Variants in FMN2 observed in about 807,000 individuals in gnomAD.
FMN2 encodes formin-2.
A neutral mutation model predicts 142.3 loss-of-function variants in FMN2; 51 were observed. The ratio of observed to expected loss-of-function variants is 0.36; its 90% CI spans 0.29 to 0.45. The LOEUF is 0.45. Among genes scored for constraint, FMN2 ranks in the 20% least tolerant of loss-of-function variants. The probability of loss-of-function intolerance (pLI) is 1.00; values close to 1 mark genes in which losing one functional copy is unlikely to be tolerated. For synonymous variants in FMN2, 882 were observed against 869.8 expected, an observed-to-expected ratio of 1.01 and a Z score of -0.25; for missense variants, 1,936 against 2,122.8, an observed-to-expected ratio of 0.91 and a Z score of 1.73.
chr1:240,188,626 C>A (rs1049951948), intron 4 of FMN2, among the ~76,000 whole-genome samples: 1 of 152,200 alleles, frequency 6.6e-6, no homozygotes, highest in Non-Finnish European at 1.5e-5. Context: ...AAAAAGAAAT[C>A]TGTCAGAGCT....
intron 3 of FMN2, among the ~76,000 whole-genome samples, chr1:240,182,669 T>C (rs886515737): frequency 6.6e-6 from 1 of 152,088 alleles, no homozygotes; most frequent in Non-Finnish European, 1.5e-5. Flanking sequence ...AACAATAAAA[T>C]GAAGCTGAGA....
Position 240,092,870 on chromosome 1 carries a change from TG to T in FMN2, c.765del (p.Pro256ArgfsTer196). On this transcript the variant is annotated frameshift_variant, in exon 1 of 18. Coordinates refer to ENST00000319653, the MANE Select transcript of FMN2 (RefSeq NM_020066.5). LOFTEE classifies it high-confidence loss of function. ...GAFLGLDRFL[L>X]GPSGGAGEAP... ...TTCCTGGGCCTGGACCGGTTCCTGC[TG>T]GGGCCGAGCGGCGGGGCTGGGGAGG... 6.5e-7 allele frequency: 1 copy of T among 1,534,106 alleles called. No individual in the cohort carries two copies.
At chr1:240,276,588 T>C (rs922350082) in intron 7 of FMN2, among the ~76,000 whole-genome samples, 2 of 152,092 alleles carry the variant, frequency 1.3e-5, no homozygotes, top group Non-Finnish European at 1.5e-5. Context: ...GCACAATTCA[T>C]ATTGTTAGTG....
chr1:240,129,266 T>A (rs922147822), intron 2 of FMN2, among the ~76,000 whole-genome samples: 1 of 152,184 alleles, frequency 6.6e-6, no homozygotes, highest in Non-Finnish European at 1.5e-5. Context: ...AACAAAAGCC[T>A]TGCCACATCT....
chr1:240,118,771 G>A (rs990009353), intron 1 of FMN2, among the ~76,000 whole-genome samples: 12 of 152,158 alleles, frequency 7.9e-5, no homozygotes, highest in African/African-American at 2.4e-4. Flanking sequence ...CCATGTGGAT[G>A]TCCAAATCAC....
intron 2 of FMN2, among the ~76,000 whole-genome samples, chr1:240,176,760 A>G (rs992439504): frequency 2.0e-5 from 3 of 152,232 alleles, no homozygotes; most frequent in Admixed American, 6.5e-5. Flanking sequence ...TGGAAGATAC[A>G]TGAGTAGCTC....
At chr1:240,406,596 G>A (rs1421761245) in intron 15 of FMN2, among the ~76,000 whole-genome samples, 2 of 152,150 alleles carry the variant, frequency 1.3e-5, no homozygotes, top group African/African-American at 4.8e-5. Context: ...AACGGTGCGT[G>A]GCTAGAGTTA....
intron 1 of FMN2, among the ~76,000 whole-genome samples, chr1:240,121,737 A>G (rs917691006): frequency 8.9e-6 from 1 of 112,072 alleles, no homozygotes; most frequent in Middle Eastern, 4.2e-3. Context: ...GGAAATAGTA[A>G]AAAAAAAAAA....
intron 1 of FMN2, among the ~76,000 whole-genome samples, chr1:240,121,150 CAA>C (rs112892593): frequency 1.4e-5 from 2 of 141,414 alleles, no homozygotes; most frequent in Non-Finnish European, 1.6e-5. Context: ...AAGTCTATCT[CAA>C]AAAAAAAAAA....
intron 15 of FMN2, among the ~76,000 whole-genome samples, chr1:240,409,015 TTAACA>T (rs1204331427): frequency 7.2e-5 from 11 of 152,212 alleles, no homozygotes; most frequent in South Asian, 2.1e-4. Flanking sequence ...CATGCATAAA[TTAACA>T]TAACATCCCA....
At chr1:240,344,440 T>C (rs1163462518) in intron 13 of FMN2, among the ~76,000 whole-genome samples, 2 of 152,216 alleles carry the variant, frequency 1.3e-5, no homozygotes, top group African/African-American at 2.4e-5. Flanking sequence ...GTGATTTTTT[T>C]CCCAAAGTTG....
chr1:240,373,057 A>G (rs565699620), intron 14 of FMN2, among the ~76,000 whole-genome samples: 5 of 151,962 alleles, frequency 3.3e-5, no homozygotes, highest in South Asian at 2.1e-4. Context: ...GGTGGTGCAC[A>G]CCTGTAATCC....
chr1:240,290,416 A>C (rs1160284197), intron 7 of FMN2, among the ~76,000 whole-genome samples: 3 of 152,184 alleles, frequency 2.0e-5, no homozygotes, highest in Admixed American at 6.5e-5. Flanking sequence ...TTGAACGCAA[A>C]TGTTTAGTCC....
rs879069569 is a variant in FMN2, at chr1:240,143,122, C to T, written c.1782+19777C>T. 1.7e-5 allele frequency: 26 copies of T among 1,556,730 alleles called. No individual in the cohort carries two copies. The East Asian group carries it at 2.7e-4, about 16-fold the overall frequency. On this transcript the variant is annotated intron_variant, in intron 2 of 17. Coordinates refer to ENST00000319653, the MANE Select transcript of FMN2 (RefSeq NM_020066.5). ...TGTGCCAAGTGCACCATGAAGAGGT[C>T]GTTGGGGTCCTTGGCATGATATTGA...
chr1:240,299,451 C>CT, intron 8 of FMN2, among the ~76,000 whole-genome samples: 1 of 152,020 alleles, frequency 6.6e-6, no homozygotes, highest in East Asian at 1.9e-4. Flanking sequence ...ATCTGGCTTT[C>CT]TTAAAAATAA....
At chr1:240,397,688 G>C (rs546391203) in intron 15 of FMN2, among the ~76,000 whole-genome samples, 3 of 149,716 alleles carry the variant, frequency 2.0e-5, no homozygotes, top group Admixed American at 6.8e-5. Flanking sequence ...TATTCAGAAG[G>C]CTGAGGCATG....
chr1:240,105,813 A>G (rs1277678473), intron 1 of FMN2, among the ~76,000 whole-genome samples: 1 of 152,222 alleles, frequency 6.6e-6, no homozygotes, highest in African/African-American at 2.4e-5. Flanking sequence ...TTTATTTAGT[A>G]AAATCTATAG....
chr1:240,429,873 T>TG (rs1174474911), intron 15 of FMN2, among the ~76,000 whole-genome samples: 5 of 147,628 alleles, frequency 3.4e-5, no homozygotes, highest in African/African-American at 1.3e-4. Context: ...ATTCCTTTTT[T>TG]GTTTTTTTTT....
intron 7 of FMN2, among the ~76,000 whole-genome samples, chr1:240,281,375 G>T (rs1669391062): frequency 6.6e-6 from 1 of 152,098 alleles, no homozygotes; most frequent in Admixed American, 6.6e-5. Context: ...TATAAAAAAT[G>T]CAGTTTTCTT....
Sources: gnomAD v4.1 joint callset for allele counts (sites outside exome capture counted in the v4.1 genomes callset) on GRCh38, gnomAD v4.1.1 for gene constraint, MANE v1.5 for transcripts, NCBI Gene and HGNC (gene_info 2026-07-23, HGNC 2026-07-21) for gene names.